CHID1: variants seen among roughly 807,000 people sequenced by gnomAD.
CHID1 encodes chitinase domain containing 1.
A neutral mutation model predicts 55.4 loss-of-function variants in CHID1; 44 were observed. That is an observed-to-expected ratio of 0.79 (90% CI 0.62 to 1.02). CHID1 has a LOEUF of 1.02. Ranked by LOEUF, CHID1 falls within the 50% of genes least tolerant of loss-of-function variation. CHID1 has a pLI of 0.00. For missense variants in CHID1, 491 were observed against 515.3 expected (o/e 0.95, Z 0.46); for synonymous variants, 216 against 212.9 (o/e 1.01, Z -0.13).
intron 2 of CHID1, 140 bp downstream of exon 2, chr11:904,566 C>T: frequency 1.1e-6 from 1 of 912,136 alleles, no homozygotes; most frequent in South Asian, 1.6e-5. Flanking sequence ...CACCCACCGG[C>T]TGCGGGCTCA....
chr11:884,976 C>G (rs992598732), intron 8 of CHID1, among the ~76,000 whole-genome samples: 3 of 152,236 alleles, frequency 2.0e-5, no homozygotes, highest in Non-Finnish European at 4.4e-5. Context: ...TACGGCCCCT[C>G]CACACCCAGA....
chr11:896,121 C>A (rs934564522), intron 7 of CHID1, among the ~76,000 whole-genome samples: 3 of 144,748 alleles, frequency 2.1e-5, no homozygotes, highest in African/African-American at 5.7e-5. Context: ...GTCTCAGTGC[C>A]CCCAGCCTCC....
At chr11:906,458 C>G (rs1212474298) in intron 1 of CHID1, among the ~76,000 whole-genome samples, 1 of 151,992 alleles carries the variant, frequency 6.6e-6, no homozygotes, top group East Asian at 1.9e-4. Flanking sequence ...AGGTTGGTCT[C>G]AAGCTCCTGG....
chr11:886,426 T>G (rs1850403902), intron 8 of CHID1, among the ~76,000 whole-genome samples: 1 of 152,200 alleles, frequency 6.6e-6, no homozygotes, highest in African/African-American at 2.4e-5. Flanking sequence ...GCCACTGCAC[T>G]CCAGCCTGGG....
intron 9 of CHID1, 151 bp from the exon 10 acceptor site, chr11:883,454 G>C: frequency 1.2e-6 from 1 of 838,078 alleles, no homozygotes; most frequent in Middle Eastern, 3.7e-4. Flanking sequence ...CATCAGAAAG[G>C]GCTGTCAGCA....
chr11:889,261 T>C (rs906285901), intron 8 of CHID1, among the ~76,000 whole-genome samples: 2 of 152,192 alleles, frequency 1.3e-5, no homozygotes, highest in African/African-American at 4.8e-5. Flanking sequence ...ACTCTCACGT[T>C]CTACCTGCGA....
chr11:883,101 C>T (rs201713680), intron 10 of CHID1, 47 bp downstream of exon 10: 37 of 1,580,668 alleles, frequency 2.3e-5, no homozygotes, highest in East Asian at 1.6e-4. Flanking sequence ...CACACCCACC[C>T]GCGCCCAGTG....
Position 870,420 on chromosome 11 carries a change from T to A in CHID1, c.1039A>T (p.Lys347Ter), listed in dbSNP as rs774390750. 16 of 1,609,532 alleles carry A rather than the reference T, an allele frequency of 9.9e-6. No homozygotes were observed. The highest frequency in any genetic ancestry group is 1.4e-5 in the Non-Finnish European group (16 of 1,177,474). ...GGCCACGCACTTCAAAACACTCACTTCTTGTACTCGAAGAAGTGCTCTGAG... is the reference window on the plus strand; with the variant it reads ...GGCCACGCACTTCAAAACACTCACTACTTGTACTCGAAGAAGTGCTCTGAG... Reference protein sequence around the residue: ...QASEHFFEYKKSRSGRHVVFY... With the variant: ...QASEHFFEYK Residue 347 changes from lysine to a stop codon, truncating the protein, a stop_gained and splice_region_variant, in exon 11 of 13, where the codon AAG (lysine) becomes TAG (stop). Transcript: ENST00000323578. LOFTEE classifies it high-confidence loss of function.
At chr11:877,439 G>T (rs984508251) in intron 10 of CHID1, among the ~76,000 whole-genome samples, 1 of 152,294 alleles carries the variant, frequency 6.6e-6, no homozygotes, top group East Asian at 1.9e-4. Flanking sequence ...TAATGATGGG[G>T]TCTCTCTATT....
intron 7 of CHID1, among the ~76,000 whole-genome samples, chr11:895,453 G>T (rs560896770): frequency 3.3e-5 from 5 of 152,260 alleles, no homozygotes; most frequent in African/African-American, 1.2e-4. Flanking sequence ...CGGAGGCGAC[G>T]TGAGCTGCAG....
At chr11:872,954 TCAGGAGCCCC>T (rs895031616) in intron 10 of CHID1, among the ~76,000 whole-genome samples, 1 of 152,150 alleles carries the variant, frequency 6.6e-6, no homozygotes, top group Non-Finnish European at 1.5e-5. Flanking sequence ...TGCCTCCCAC[TCAGGAGCCCC>T]AGCCTGGTGG....
chr11:870,595 C>A, intron 10 of CHID1, 96 bp from the exon 11 acceptor site: 1 of 848,038 alleles, frequency 1.2e-6, no homozygotes. Context: ...AGGGGCAGGG[C>A]CACTCGGGGC....
intron 10 of CHID1, among the ~76,000 whole-genome samples, chr11:878,641 C>T (rs1190145174): frequency 6.6e-5 from 10 of 151,962 alleles, no homozygotes; most frequent in Non-Finnish European, 1.5e-4. Context: ...AACGAACTAA[C>T]ACAAGTCTTA....
chr11:880,983 A>G (rs1452417601), intron 10 of CHID1, among the ~76,000 whole-genome samples: 1 of 152,250 alleles, frequency 6.6e-6, no homozygotes, highest in Non-Finnish European at 1.5e-5. Context: ...GGAAGGCAGC[A>G]TAATAGGACC....
At position 904,739 on chromosome 11, in the gene CHID1, G is replaced by C; in HGVS notation, c.78C>G (p.Ala26=). ...GCAGCGTCTTTGAGGCGGCTTTTTT[G>C]GCATCTGACTTTGACAGGGTAGTGT... is the stretch of plus-strand genomic sequence containing the variant. ...PVHTTLSKSD[A]KKAASKTLLE... is the part of the protein sequence containing the mutation. Residue 26 remains alanine (A), a synonymous_variant, in exon 2 of 13, where the codon GCC becomes GCG. Transcript: ENST00000323578. The C allele has an allele frequency of 6.2e-7, 1 of 1,614,144 alleles. No homozygotes were observed. Among genetic ancestry groups the C allele is most frequent in the South Asian group, 1.1e-5 (1 of 91,084 alleles).
intron 7 of CHID1, among the ~76,000 whole-genome samples, chr11:895,983 G>C (rs1156878126): frequency 6.6e-6 from 1 of 151,954 alleles, no homozygotes; most frequent in Non-Finnish European, 1.5e-5. Context: ...CCCCTGCAGT[G>C]GCCACTCCGG....
Position 899,334 on chromosome 11 carries a change from A to G in CHID1, c.608+6T>C. On this transcript the variant is annotated splice_donor_region_variant and intron_variant, in intron 7 of 12. Transcript: ENST00000323578. ...GGGCCACCCACCACCACCTGTGCCCACTCACACGCGCTTCTGGCTTAGCAG... is the reference window on the plus strand; with the variant it reads ...GGGCCACCCACCACCACCTGTGCCCGCTCACACGCGCTTCTGGCTTAGCAG... The G allele has an allele frequency of 1.3e-6, 2 of 1,597,594 alleles. No homozygotes were observed. The highest frequency in any genetic ancestry group is 2.3e-5 in the South Asian group (2 of 88,078).
chr11:870,107 G>A lies in CHID1; in HGVS notation c.1083+14C>T. 2 of 1,612,908 alleles carry A rather than the reference G, an allele frequency of 1.2e-6. No individual in the cohort carries two copies. Among genetic ancestry groups the A allele is most frequent in the Non-Finnish European group, 1.7e-6 (2 of 1,179,926 alleles). ...CCACCCCTCCCCCGGTCCCACGGCT[G>A]GCAGCACACGCACCTTCAGGGTTGG... On this transcript the variant is annotated intron_variant, in intron 12 of 12. Coordinates refer to ENST00000323578, the MANE Select transcript of CHID1 (RefSeq NM_023947.4).
chr11:910,534 C>T lies in CHID1; in HGVS notation c.-44+241G>A. 2.0e-6 allele frequency: 2 copies of T among 983,120 alleles called. 1 individual carries two copies. The highest frequency in any genetic ancestry group is 3.6e-5 in the South Asian group (2 of 55,784). The allele number at this position is 983,120 out of a possible 1,614,324, so 60.9% of individuals were successfully genotyped here. A position where few individuals can be genotyped will look rare whatever the true frequency, so the allele number is the denominator to read the frequency against. ...GACACGCGCCCCCGTCCACACTCGC[C>T]CTCCACCCCCGCTCTCGCTCACCCT... On this transcript the variant is annotated intron_variant, in intron 1 of 12. Coordinates refer to ENST00000323578, the MANE Select transcript of CHID1 (RefSeq NM_023947.4).
Sources: gnomAD v4.1 joint callset for allele counts (sites outside exome capture counted in the v4.1 genomes callset) on GRCh38, gnomAD v4.1.1 for gene constraint, MANE v1.5 for transcripts, NCBI Gene and HGNC (gene_info 2026-07-23, HGNC 2026-07-21) for gene names.